ARHGEF10L: variants seen among roughly 807,000 people sequenced by gnomAD.
ARHGEF10L encodes rho guanine nucleotide exchange factor 10-like protein.
ARHGEF10L carries 69 observed loss-of-function variants against 141.2 expected under a neutral mutation model. That is an observed-to-expected ratio of 0.49 (90% CI 0.40 to 0.60). ARHGEF10L has a LOEUF of 0.60. ARHGEF10L is among the 20% of genes least tolerant of loss of function. The pLI is 0.00. For missense variants in ARHGEF10L, 1,482 were observed against 1,734.3 expected (o/e 0.85, Z 2.58); for synonymous variants, 711 against 718.5 (o/e 0.99, Z 0.17).
chr1:17,587,757 G>A (rs974489530), intron 3 of ARHGEF10L, 112 bp downstream of exon 3: 1 of 1,242,630 alleles, frequency 8.0e-7, no homozygotes, highest in African/African-American at 1.5e-5. Context: ...TCCCCAGAAA[G>A]CAGGAAGGGA....
chr1:17,622,998 C>T lies in ARHGEF10L; in HGVS notation c.1023C>T (p.Asp341=), dbSNP rs750744930. The T allele has an allele frequency of 6.8e-6, 11 of 1,611,804 alleles. 1 individual carries two copies. In the Middle Eastern group the frequency reaches 1.8e-3, roughly 270 times the overall value. ...CCTCACCCCGCCCTCCCCGGCAGGA[C>T]TACCGCAACCCCCTGATGGAGATGG... The part of the protein sequence containing the change: ...YVESLKRILQ[D]YRNPLMEMEP... Residue 341 remains aspartate, a splice_region_variant and synonymous_variant, in exon 12 of 29, where the codon GAC becomes GAT. Transcript: ENST00000361221.
Position 17,696,876 on chromosome 1 carries a change from C to T in ARHGEF10L, c.3336C>T (p.His1112=). 6.3e-7 allele frequency: 1 copy of T among 1,589,192 alleles called. No homozygotes were observed. The highest frequency in any genetic ancestry group is 2.2e-5 in the East Asian group (1 of 44,528). ...TGKGMVSLNG[H]CGPVAFLAVA... ...AAGGCATGGTCTCACTCAACGGGCACTGTGGGCCTGTGGCCTTCCTGGCTG... is the reference window on the plus strand; with the variant it reads ...AAGGCATGGTCTCACTCAACGGGCATTGTGGGCCTGTGGCCTTCCTGGCTG... Residue 1112 remains histidine, a synonymous_variant, in exon 29 of 29, where the codon CAC becomes CAT. Coordinates refer to ENST00000361221, the MANE Select transcript of ARHGEF10L (RefSeq NM_018125.4).
intron 26 of ARHGEF10L, among the ~76,000 whole-genome samples, chr1:17,670,811 A>G (rs917649885): frequency 4.6e-5 from 7 of 152,228 alleles, no homozygotes; most frequent in African/African-American, 1.7e-4. Context: ...TTTGGCTTGC[A>G]GTGTGCAGCC....
chr1:17,645,408 G>T lies in ARHGEF10L; in HGVS notation c.2273-3146G>T, dbSNP rs1474783794. ...AAAATACGTATGAATAAATTGCCAG[G>T]ACTTGATGGGCTATGGGTGTTCGGG... On this transcript the variant is annotated intron_variant, in intron 21 of 28. Coordinates refer to ENST00000361221, the MANE Select transcript of ARHGEF10L (RefSeq NM_018125.4). 7.2e-5 allele frequency among the ~76,000 whole-genome samples: 11 copies of T among 152,182 alleles called. No individual in the cohort carries two copies. In the South Asian group the frequency reaches 2.3e-3, roughly 32 times the overall value.
chr1:17,662,491 C>T (rs182321566), intron 25 of ARHGEF10L, among the ~76,000 whole-genome samples: 5 of 152,304 alleles, frequency 3.3e-5, no homozygotes, highest in East Asian at 1.9e-4. Context: ...TTGGTGCTCA[C>T]GCTGGCTGGC....
intron 4 of ARHGEF10L, among the ~76,000 whole-genome samples, chr1:17,599,746 TG>T (rs1325237709): frequency 1.3e-5 from 2 of 152,184 alleles, no homozygotes; most frequent in African/African-American, 2.4e-5. Context: ...TTCCTTGCCC[TG>T]GGGTGACACT....
chr1:17,549,669 C>T (rs2077042173), intron 1 of ARHGEF10L, among the ~76,000 whole-genome samples: 2 of 152,084 alleles, frequency 1.3e-5, no homozygotes, highest in Non-Finnish European at 2.9e-5. Flanking sequence ...GTGGAAGAGG[C>T]CATGTTAGTT....
intron 21 of ARHGEF10L, 36 bp downstream of exon 21, chr1:17,640,338 A>ACCCT: frequency 1.3e-6 from 2 of 1,561,816 alleles, no homozygotes. Flanking sequence ...CTCAGGGGGC[A>ACCCT]GGGGTGTGGA....
chr1:17,589,626 T>G (rs989963349), intron 4 of ARHGEF10L, among the ~76,000 whole-genome samples: 6 of 152,226 alleles, frequency 3.9e-5, no homozygotes, highest in Non-Finnish European at 5.9e-5. Context: ...GGGTTTCTCC[T>G]GAGCTTGCTA....
At chr1:17,679,571 T>A (rs2063955688) in intron 26 of ARHGEF10L, among the ~76,000 whole-genome samples, 1 of 152,200 alleles carries the variant, frequency 6.6e-6, no homozygotes, top group South Asian at 2.1e-4. Flanking sequence ...CAGCGCGACT[T>A]TGCACATCAT....
chr1:17,526,668 C>A, the ARHGEF10L span, among the ~76,000 whole-genome samples: 1 of 152,158 alleles, frequency 6.6e-6, no homozygotes, highest in Admixed American at 6.5e-5. Context: ...CTTGGGGAGG[C>A]CGAGGTGGGC....
chr1:17,628,765 A>T (rs1267433216), intron 15 of ARHGEF10L, among the ~76,000 whole-genome samples: 1 of 152,188 alleles, frequency 6.6e-6, no homozygotes, highest in African/African-American at 2.4e-5. Context: ...AGACCTTTCT[A>T]AGAGTCCAGG....
At chr1:17,574,100 GGTC>G (rs551054168) in intron 1 of ARHGEF10L, among the ~76,000 whole-genome samples, 124 of 152,152 alleles carry the variant, frequency 8.1e-4, no homozygotes, top group African/African-American at 2.8e-3. Flanking sequence ...GGTTGAGGAG[GGTC>G]TGGGAGGACG....
Position 17,625,490 on chromosome 1 carries a change from CTG to C in ARHGEF10L, c.1318-463_1318-462del, listed in dbSNP as rs1176063863. ...ATGGAAGTGGAGGCAGGTGGAGAAACTGTGGGATTGCAGCATATGGGGGCCAG... is the reference window on the plus strand; with the variant it reads ...ATGGAAGTGGAGGCAGGTGGAGAAACTGGGATTGCAGCATATGGGGGCCAG... On this transcript the variant is annotated intron_variant, in intron 13 of 28. Transcript: ENST00000361221. This position sits in a 1 kb window ranked among gnomAD's most constrained non-coding sequence, Gnocchi z 4.5. Among the ~76,000 whole-genome samples, 2 of 152,092 alleles carry C rather than the reference CTG, an allele frequency of 1.3e-5. No individual in the cohort carries two copies. Among genetic ancestry groups the C allele is most frequent in the African/African-American group, 4.8e-5 (2 of 41,400 alleles).
At chr1:17,553,322 G>A (rs1408129717) in intron 1 of ARHGEF10L, among the ~76,000 whole-genome samples, 1 of 152,180 alleles carries the variant, frequency 6.6e-6, no homozygotes, top group Non-Finnish European at 1.5e-5. Flanking sequence ...TGAGAATCTA[G>A]AATCTCTACC....
chr1:17,690,896 A>G (rs2102554222), intron 27 of ARHGEF10L, among the ~76,000 whole-genome samples: 1 of 152,312 alleles, frequency 6.6e-6, no homozygotes, highest in African/African-American at 2.4e-5. Flanking sequence ...GTTCTTTATT[A>G]GAGATATTTT....
intron 26 of ARHGEF10L, among the ~76,000 whole-genome samples, chr1:17,677,493 G>T (rs116468495): frequency 6.6e-5 from 10 of 152,358 alleles, no homozygotes; most frequent in African/African-American, 2.4e-4. Flanking sequence ...CTGGCCCAGG[G>T]TGGGCACTGG....
chr1:17,665,778 G>A (rs1384121479), intron 26 of ARHGEF10L, among the ~76,000 whole-genome samples: 1 of 152,196 alleles, frequency 6.6e-6, no homozygotes, highest in African/African-American at 2.4e-5. Flanking sequence ...GTATACACAC[G>A]TATATAGAAA....
chr1:17,633,626 A>G (rs2060831303), intron 16 of ARHGEF10L, among the ~76,000 whole-genome samples: 1 of 152,162 alleles, frequency 6.6e-6, no homozygotes, highest in Non-Finnish European at 1.5e-5. Flanking sequence ...TGCTGGGATT[A>G]CAGGCGTAAG....
Sources: allele counts gnomAD v4.1 joint callset (sites outside exome capture counted in the v4.1 genomes callset), GRCh38; gene constraint gnomAD v4.1.1; non-coding constraint Gnocchi (gnomAD v3.1); transcripts MANE v1.5; gene names NCBI Gene and HGNC (gene_info 2026-07-23, HGNC 2026-07-21).